The following CERS4 variants were observed in gnomAD, a reference collection of about 807,000 sequenced individuals.
The protein encoded by CERS4 is LAG1 homolog, ceramide synthase 4.
A neutral mutation model predicts 51.8 loss-of-function variants in CERS4; 65 were observed. The ratio of observed to expected loss-of-function variants is 1.26; its 90% CI spans 1.03 to 1.54. The LOEUF (loss-of-function observed/expected upper bound fraction) is 1.54, where lower values mean the gene tolerates loss of function less well. Among genes scored for constraint, CERS4 ranks in the 40% most tolerant of loss-of-function variants. The pLI is 0.00. For synonymous variants in CERS4, 228 were observed against 208.4 expected, an observed-to-expected ratio of 1.09 and a Z score of -0.81; for missense variants, 563 against 500.4, an observed-to-expected ratio of 1.13 and a Z score of -1.19.
At chr19:8,258,833 CTT>C (rs1393517755) in intron 10 of CERS4, among the ~76,000 whole-genome samples, 2 of 151,312 alleles carry the variant, frequency 1.3e-5, no homozygotes, top group African/African-American at 2.4e-5. Flanking sequence ...CAGAGGGAGA[CTT>C]TGTCTTAAAT....
At chr19:8,244,358 T>C (rs2967620) in intron 2 of CERS4, among the ~76,000 whole-genome samples, 126,405 of 152,216 alleles carry the variant, frequency 0.83, 52,684 homozygotes, top group Middle Eastern at 0.87. Flanking sequence ...ATTGCCTCCC[T>C]GCAGAAAATG....
chr19:8,241,492 T>C (rs963544174), intron 2 of CERS4: 1 of 152,080 alleles, frequency 6.6e-6, no homozygotes, highest in Non-Finnish European at 1.5e-5. Flanking sequence ...TTTTTAAATT[T>C]TTTTGTCTTG....
chr19:8,258,857 G>T (rs1969530746), intron 10 of CERS4, among the ~76,000 whole-genome samples: 1 of 150,110 alleles, frequency 6.7e-6, no homozygotes, highest in South Asian at 2.1e-4. Flanking sequence ...AAATTGGCCA[G>T]GTGTGATGGC....
At chr19:8,261,662 GC>G in intron 10 of CERS4, 25 bp from the exon 11 acceptor site, 1 of 1,613,280 alleles carries the variant, frequency 6.2e-7, no homozygotes, top group Non-Finnish European at 8.5e-7. Context: ...TCAAACCCCA[GC>G]CTCCTCCTCT....
intron 3 of CERS4, among the ~76,000 whole-genome samples, chr19:8,253,884 T>C (rs1195894076): frequency 2.6e-5 from 4 of 151,948 alleles, no homozygotes; most frequent in Non-Finnish European, 5.9e-5. Flanking sequence ...CAGCTGCCTT[T>C]CTTATGTTTG....
chr19:8,227,461 A>G (rs1172622958), intron 2 of CERS4, among the ~76,000 whole-genome samples: 2 of 151,818 alleles, frequency 1.3e-5, no homozygotes, highest in Non-Finnish European at 2.9e-5. Context: ...CAGCCTTCCA[A>G]GTATCTGGGA....
chr19:8,225,644 G>A (rs372740007), intron 2 of CERS4, among the ~76,000 whole-genome samples: 1 of 151,516 alleles, frequency 6.6e-6, no homozygotes, highest in Admixed American at 6.6e-5. Flanking sequence ...GGCTGGTCTC[G>A]AACTCCTGAC....
chr19:8,251,051 A>G, intron 2 of CERS4, 25 bp from the exon 3 acceptor site: 1 of 1,555,446 alleles, frequency 6.4e-7, no homozygotes, highest in Non-Finnish European at 8.7e-7. Context: ...CAGACCTCCC[A>G]GCTAACTGGA....
At chr19:8,214,987 G>GGGGAGGAGA (rs2145159670) in intron 2 of CERS4, among the ~76,000 whole-genome samples, 1 of 73,850 alleles carries the variant, frequency 1.4e-5, no homozygotes, top group African/African-American at 4.8e-5. Context: ...GGAAGAGGAG[G>GGGGAGGAGA]GGGAGGAGAG....
At chr19:8,237,804 T>C (rs1307581756) in intron 2 of CERS4, among the ~76,000 whole-genome samples, 2 of 152,114 alleles carry the variant, frequency 1.3e-5, no homozygotes, top group African/African-American at 2.4e-5. Flanking sequence ...TGAGCCGAGA[T>C]TGCGCCACTG....
rs2145310609 is a variant in CERS4 at position 8,254,526 on chromosome 19, G to T, written c.201G>T (p.Trp67Cys). 2.5e-6 allele frequency: 4 copies of T among 1,613,718 alleles called. No homozygotes were observed. Among genetic ancestry groups the T allele is most frequent in the East Asian group, 2.2e-5 (1 of 44,864 alleles). ...TCATTGGCCTGCCCCTGAGCCGGTG[G>T]CTGGGTGTGAGGGATCAGACCAGGA... ...ERFIGLPLSR[W>C]LGVRDQTRRQ... The change falls in exon 4 of 12, where the codon TGG becomes TGT. Residue 67 changes from tryptophan (W) to cysteine (C), a missense_variant. By Grantham distance (215) the Trp-to-Cys change is radical (BLOSUM62 -2). Coordinates refer to ENST00000251363, the MANE Select transcript of CERS4 (RefSeq NM_024552.3).
chr19:8,251,399 G>A (rs370936060), intron 3 of CERS4, 150 bp downstream of exon 3: 52 of 1,351,318 alleles, frequency 3.8e-5, no homozygotes, highest in East Asian at 1.4e-4. Flanking sequence ...GCCCCCAGCC[G>A]CCACCACCCA....
chr19:8,258,922 T>G (rs762284081), intron 10 of CERS4, among the ~76,000 whole-genome samples: 27 of 151,548 alleles, frequency 1.8e-4, no homozygotes, highest in Non-Finnish European at 2.9e-5. Context: ...TCACCTGAGG[T>G]CAGGAGATCG....
At chr19:8,228,475 G>T (rs1967875869) in intron 2 of CERS4, among the ~76,000 whole-genome samples, 1 of 152,080 alleles carries the variant, frequency 6.6e-6, no homozygotes, top group Non-Finnish European at 1.5e-5. Context: ...AGTAGTTTGA[G>T]ACCAGCCTGG....
intron 9 of CERS4, 100 bp downstream of exon 9, chr19:8,257,177 G>T: frequency 7.8e-7 from 1 of 1,279,096 alleles, no homozygotes; most frequent in Non-Finnish European, 1.1e-6. Flanking sequence ...CCTGGGAGAT[G>T]GAGCCCCACC....
chr19:8,254,767 C>T (rs1969284859), intron 4 of CERS4, 151 bp downstream of exon 4: 3 of 689,036 alleles, frequency 4.4e-6, no homozygotes, highest in Admixed American at 4.8e-5. Context: ...TCCTCAATTC[C>T]CTGGGAAAGG....
chr19:8,232,831 C>CA (rs1181241769), intron 2 of CERS4, among the ~76,000 whole-genome samples: 6 of 150,758 alleles, frequency 4.0e-5, no homozygotes, highest in African/African-American at 1.2e-4. Context: ...GTCATCCTTC[C>CA]ACCTCAGCCT....
intron 2 of CERS4, among the ~76,000 whole-genome samples, chr19:8,213,452 C>T (rs973756868): frequency 2.0e-5 from 3 of 152,136 alleles, no homozygotes; most frequent in Admixed American, 2.0e-4. Context: ...GCATGCACCA[C>T]CAGGCCTAGC....
Position 8,261,915 on chromosome 19 carries a change from C to CT in CERS4, c.1006-14dup, listed in dbSNP as rs1232515399. The CT allele has an allele frequency of 4.3e-6, 7 of 1,609,480 alleles. No individual in the cohort carries two copies. The highest frequency in any genetic ancestry group is 4.5e-5 in the East Asian group (2 of 44,792). On this transcript the variant is annotated splice_polypyrimidine_tract_variant and intron_variant, in intron 11 of 11. Transcript: ENST00000251363. ...CCTCCCTGCTCTGAGCTCCATCCCT[C>CT]TCTCTGTTCCCCAGATGGAGAAGGA...
Sources: gnomAD v4.1 joint callset for allele counts (sites outside exome capture counted in the v4.1 genomes callset) on GRCh38, gnomAD v4.1.1 for gene constraint, MANE v1.5 for transcripts, NCBI Gene and HGNC (gene_info 2026-07-23, HGNC 2026-07-21) for gene names.